Variants in NUBPL observed in about 807,000 individuals in gnomAD.
NUBPL encodes the protein NUBP iron-sulfur cluster assembly factor, mitochondrial.
A neutral mutation model predicts 45.7 loss-of-function variants in NUBPL; 31 were observed. The observed-to-expected ratio is 0.68, with a 90% confidence interval of 0.51 to 0.92. The LOEUF is 0.92. Ranked by LOEUF, NUBPL falls within the 40% of genes least tolerant of loss-of-function variation. The probability of loss-of-function intolerance (pLI) is 0.00; values close to 1 mark genes in which losing one functional copy is unlikely to be tolerated. For synonymous variants in NUBPL, 144 were observed against 140.9 expected (o/e 1.02, Z -0.15); for missense variants, 401 against 398.7 (o/e 1.01, Z -0.05).
chr14:31,811,072 T>G (rs796470585), intron 7 of NUBPL, among the ~76,000 whole-genome samples: 6 of 152,286 alleles, frequency 3.9e-5, no homozygotes, highest in African/African-American at 1.4e-4. Context: ...ATTTCAACCT[T>G]GGTGAATCTG....
intron 7 of NUBPL, among the ~76,000 whole-genome samples, chr14:31,815,647 A>C (rs962555128): frequency 6.6e-6 from 1 of 152,152 alleles, no homozygotes; most frequent in South Asian, 2.1e-4. Flanking sequence ...GCTTTTGCCC[A>C]TTCAGTATGA....
chr14:31,637,345 C>T (rs910115378), intron 4 of NUBPL, among the ~76,000 whole-genome samples: 7 of 152,114 alleles, frequency 4.6e-5, no homozygotes, highest in African/African-American at 1.2e-4. Flanking sequence ...TTTCGTTATG[C>T]ACCCAGTAGT....
At chr14:31,635,517 G>C (rs1208393100) in intron 4 of NUBPL, among the ~76,000 whole-genome samples, 6 of 152,114 alleles carry the variant, frequency 3.9e-5, no homozygotes, top group African/African-American at 1.4e-4. Context: ...TTGAAGTCAG[G>C]TAGTGTGATG....
chr14:31,853,819 T>C (rs1303904077), intron 10 of NUBPL, among the ~76,000 whole-genome samples: 1 of 151,958 alleles, frequency 6.6e-6, no homozygotes, highest in East Asian at 1.9e-4. Flanking sequence ...AGAGGAGGGG[T>C]GAGAAGGCGA....
chr14:31,847,672 C>G (rs2040474696), intron 9 of NUBPL, among the ~76,000 whole-genome samples: 1 of 152,166 alleles, frequency 6.6e-6, no homozygotes, highest in Non-Finnish European at 1.5e-5. Context: ...AATTATTAGA[C>G]TTAGGTAGTT....
chr14:31,775,521 G>A (rs1310768560), intron 6 of NUBPL, among the ~76,000 whole-genome samples: 2 of 152,182 alleles, frequency 1.3e-5, no homozygotes, highest in Non-Finnish European at 2.9e-5. Context: ...GAGACATCTA[G>A]CAGGGAGCCT....
At chr14:31,602,380 A>G (rs980706686) in intron 4 of NUBPL, among the ~76,000 whole-genome samples, 2 of 30,054 alleles carry the variant, frequency 6.7e-5, no homozygotes, top group Admixed American at 9.2e-4. Context: ...CCTAAAACTT[A>G]AAGTATAATA....
At position 31,666,257 on chromosome 14, in the gene NUBPL, A is replaced by ATT. The variant is rs1566487143; in HGVS notation, c.383-7097_383-7096insTT. 1.9e-3 allele frequency among the ~76,000 whole-genome samples: 90 copies of ATT among 46,600 alleles called. 4 individuals carry two copies. Among genetic ancestry groups the ATT allele is most frequent in the African/African-American group, 4.3e-3 (39 of 9,050 alleles). 30.6% of individuals were successfully genotyped at this position (46,600 alleles called of 152,430 possible). A position where few individuals can be genotyped will look rare whatever the true frequency, so the allele number is the denominator to read the frequency against. On this transcript the variant is annotated intron_variant, in intron 4 of 10. Transcript: ENST00000281081. ...TATATATATATATATATATATATAT[A>ATT]TATATAATTTTATTTTATTTTTTTT...
intron 4 of NUBPL, among the ~76,000 whole-genome samples, chr14:31,672,161 A>T (rs1482391706): frequency 1.3e-5 from 2 of 152,126 alleles, no homozygotes; most frequent in Non-Finnish European, 2.9e-5. Flanking sequence ...GCAATTTTTC[A>T]TCTCAGATTT....
intron 7 of NUBPL, among the ~76,000 whole-genome samples, chr14:31,802,636 C>T (rs1026577603): frequency 1.3e-5 from 2 of 152,158 alleles, no homozygotes; most frequent in Admixed American, 6.5e-5. Context: ...AAGTTGCTGC[C>T]ATGCCCTTGG....
chr14:31,632,326 T>A (rs995583404), intron 4 of NUBPL, among the ~76,000 whole-genome samples: 1 of 152,150 alleles, frequency 6.6e-6, no homozygotes, highest in African/African-American at 2.4e-5. Context: ...CAATGACACT[T>A]GGTGGAGGAC....
chr14:31,646,436 C>T (rs1348060632), intron 4 of NUBPL, among the ~76,000 whole-genome samples: 1 of 152,184 alleles, frequency 6.6e-6, no homozygotes, highest in East Asian at 1.9e-4. Context: ...ATCCACTCAA[C>T]CTTGGCCTCC....
At chr14:31,787,958 A>G (rs543413204) in intron 7 of NUBPL, 85 bp downstream of exon 7, 1 of 854,662 alleles carries the variant, frequency 1.2e-6, no homozygotes, top group African/African-American at 1.7e-5. Flanking sequence ...ATGTTAGGCA[A>G]ATATTTTGCC....
intron 3 of NUBPL, among the ~76,000 whole-genome samples, chr14:31,591,223 T>C (rs541934425): frequency 5.9e-5 from 9 of 152,142 alleles, no homozygotes; most frequent in Non-Finnish European, 1.0e-4. Context: ...AATGCAATGG[T>C]GTAATCTCTG....
chr14:31,739,713 T>C (rs1164148178), intron 6 of NUBPL, among the ~76,000 whole-genome samples: 1 of 152,336 alleles, frequency 6.6e-6, no homozygotes, highest in East Asian at 1.9e-4. Context: ...CTTGGTGCTG[T>C]ACATTTTATA....
chr14:31,710,901 G>A (rs1566516279), intron 6 of NUBPL, among the ~76,000 whole-genome samples: 1 of 152,210 alleles, frequency 6.6e-6, no homozygotes, highest in Non-Finnish European at 1.5e-5. Context: ...TTTCTGATTG[G>A]TGAGCCTGGG....
chr14:31,721,565 A>G (rs749760781), intron 6 of NUBPL, among the ~76,000 whole-genome samples: 2 of 151,880 alleles, frequency 1.3e-5, no homozygotes, highest in Non-Finnish European at 2.9e-5. Flanking sequence ...ATAAGGTCAC[A>G]TATAGCTGGG....
chr14:31,655,893 C>T lies in NUBPL; in HGVS notation c.383-17462C>T, dbSNP rs1212674591. On this transcript the variant is annotated intron_variant, in intron 4 of 10. Coordinates refer to ENST00000281081, the MANE Select transcript of NUBPL (RefSeq NM_025152.3). Reference sequence around the variant, plus strand: ...CATTAGCCCCTATTAAGAGAGTAAACCTATTATTTGAAGCCAAGCATTAAC... The same window carrying T: ...CATTAGCCCCTATTAAGAGAGTAAATCTATTATTTGAAGCCAAGCATTAAC... 2.6e-5 allele frequency among the ~76,000 whole-genome samples: 4 copies of T among 152,140 alleles called. No homozygotes were observed. In the East Asian group the frequency reaches 5.8e-4, roughly 22 times the overall value.
intron 4 of NUBPL, among the ~76,000 whole-genome samples, chr14:31,609,324 CAAAG>C: frequency 6.6e-6 from 1 of 152,090 alleles, no homozygotes; most frequent in Admixed American, 6.5e-5. Context: ...TAAGAAGAGA[CAAAG>C]AAGGTCACTA....
Sources: allele counts gnomAD v4.1 joint callset (sites outside exome capture counted in the v4.1 genomes callset), GRCh38; gene constraint gnomAD v4.1.1; transcripts MANE v1.5; gene names NCBI Gene and HGNC (gene_info 2026-07-23, HGNC 2026-07-21).